The following PPIP5K2 variants were observed in gnomAD, a reference collection of about 807,000 sequenced individuals.
The protein encoded by PPIP5K2 is inositol hexakisphosphate and diphosphoinositol-pentakisphosphate kinase 2.
A neutral mutation model predicts 154.6 loss-of-function variants in PPIP5K2; 105 were observed. That is an observed-to-expected ratio of 0.68 (90% CI 0.58 to 0.80). The LOEUF is 0.80. Ranked by LOEUF, PPIP5K2 falls within the 30% of genes least tolerant of loss-of-function variation. The probability of loss-of-function intolerance (pLI) is 0.00; values close to 1 mark genes in which losing one functional copy is unlikely to be tolerated. For missense variants in PPIP5K2, 992 were observed against 1,504.6 expected (o/e 0.66, Z 5.64); for synonymous variants, 480 against 490.3 (o/e 0.98, Z 0.28).
At chr5:103,157,920 G>A (rs1444139013) in intron 14 of PPIP5K2, among the ~76,000 whole-genome samples, 2 of 152,054 alleles carry the variant, frequency 1.3e-5, no homozygotes, top group East Asian at 3.9e-4. Context: ...CATCCCTGAA[G>A]AAAATTGGGA....
At chr5:103,142,297 C>T (rs868966116) in intron 5 of PPIP5K2, among the ~76,000 whole-genome samples, 2 of 150,724 alleles carry the variant, frequency 1.3e-5, no homozygotes, top group African/African-American at 5.0e-5. Context: ...CCTCATTGTC[C>T]AGGGCCAGGC....
rs1434687813 is a variant in PPIP5K2, at chr5:103,205,866, G to T, written c.*4232G>T. The T allele has an allele frequency of 4.0e-5, 6 of 151,890 alleles. No individual in the cohort carries two copies. Among genetic ancestry groups the T allele is most frequent in the African/African-American group, 1.5e-4 (6 of 41,342 alleles). The allele number at this position is 151,890 out of a possible 1,614,324, so 9.4% of individuals were successfully genotyped here. ...TATGACCTATGCTTTATTTTGGCTT[G>T]CATTTGCCTGATATTCATCTTTTTA... On this transcript the variant is annotated 3_prime_UTR_variant, in exon 31 of 31. Transcript: ENST00000358359.
In PPIP5K2 at chr5:103,203,989, T is replaced by G. The variant is rs930414641; in HGVS notation, c.*2355T>G. On this transcript the variant is annotated 3_prime_UTR_variant, in exon 31 of 31. Transcript: ENST00000358359. ...TAACAAAAACATGTGGCAGTGTGCT[T>G]AGCATAAACATAGAGCACAAAGGCA... 1 of 152,164 alleles carries G rather than the reference T, an allele frequency of 6.6e-6. No individual in the cohort carries two copies. The highest frequency in any genetic ancestry group is 6.5e-5 in the Admixed American group (1 of 15,270). The allele number at this position is 152,164 out of a possible 1,614,324, so 9.4% of individuals were successfully genotyped here.
rs1248336900 is a variant in PPIP5K2 at position 103,154,574 on chromosome 5, G to GGA, written c.1218-96_1218-95insGA. On this transcript the variant is annotated intron_variant, in intron 11 of 30. Coordinates refer to ENST00000358359, the MANE Select transcript of PPIP5K2 (RefSeq NM_001276277.3). ...TGAAATCCTTAGATCCCAAGTTCTA[G>GGA]TCCCATAGCTTATCATTTATTATTT... 21 of 727,912 alleles carry GGA rather than the reference G, an allele frequency of 2.9e-5. No individual in the cohort carries two copies. The East Asian group carries it at 6.0e-4, about 21-fold the overall frequency. The allele number at this position is 727,912 out of a possible 1,614,324, so 45.1% of individuals were successfully genotyped here. A position where few individuals can be genotyped will look rare whatever the true frequency, so the allele number is the denominator to read the frequency against.
chr5:103,173,337 A>T lies in PPIP5K2; in HGVS notation c.2414+55A>T, dbSNP rs996523580. On this transcript the variant is annotated intron_variant, in intron 20 of 30. Transcript: ENST00000358359. ...CTAGGCATCTATTTTTGCATACTTC[A>T]AATTTAAATTATACTTTGATGGTCC... 2.6e-6 allele frequency: 4 copies of T among 1,552,246 alleles called. No homozygotes were observed. In the Admixed American group the frequency reaches 5.8e-5, roughly 22 times the overall value.
At chr5:103,146,817 T>C in intron 6 of PPIP5K2, 136 bp downstream of exon 6, 1 of 696,878 alleles carries the variant, frequency 1.4e-6, no homozygotes, top group Non-Finnish European at 2.1e-6. Context: ...TTTATGAAAC[T>C]GATATACTTT....
intron 7 of PPIP5K2, 187 bp downstream of exon 7, chr5:103,148,219 T>C (rs1794051705): frequency 1.6e-6 from 1 of 643,776 alleles, no homozygotes; most frequent in African/African-American, 1.8e-5. Context: ...TTTTTAAGAG[T>C]AGTGTTTTTA....
intron 17 of PPIP5K2, among the ~76,000 whole-genome samples, chr5:103,163,678 A>C (rs1796695377): frequency 6.6e-6 from 1 of 151,996 alleles, no homozygotes; most frequent in South Asian, 2.1e-4. Flanking sequence ...AAAATAAGGA[A>C]ATTTCATTGT....
chr5:103,135,083 A>C (rs1265920121), intron 3 of PPIP5K2, among the ~76,000 whole-genome samples: 5 of 152,168 alleles, frequency 3.3e-5, no homozygotes, highest in African/African-American at 1.2e-4. Context: ...TGAATACTAA[A>C]GTTATGTATG....
chr5:103,152,690 A>G lies in PPIP5K2; in HGVS notation c.1071A>G (p.Pro357=), dbSNP rs188460608. 2.4e-5 allele frequency: 38 copies of G among 1,597,446 alleles called. No individual in the cohort carries two copies. The highest frequency in any genetic ancestry group is 2.6e-5 in the Non-Finnish European group (30 of 1,165,404). Reference sequence around the variant, plus strand: ...AACTTGCTCCACAATTTCATATTCCATGGTCAATACCCTTAGAAGCTGAAG... The same window carrying G: ...AACTTGCTCCACAATTTCATATTCCGTGGTCAATACCCTTAGAAGCTGAAG... The part of the protein sequence containing the change: ...MRELAPQFHI[P]WSIPLEAEDI... Residue 357 remains proline, a synonymous_variant, in exon 10 of 31, where the codon CCA becomes CCG. Transcript: ENST00000358359.
intron 5 of PPIP5K2, among the ~76,000 whole-genome samples, chr5:103,140,524 A>G (rs537690626): frequency 6.6e-6 from 1 of 152,346 alleles, no homozygotes; most frequent in South Asian, 2.1e-4. Flanking sequence ...AGGAAAAACA[A>G]AACTTCCAAC....
intron 17 of PPIP5K2, among the ~76,000 whole-genome samples, chr5:103,160,505 G>A (rs1179798788): frequency 2.0e-5 from 3 of 152,172 alleles, no homozygotes; most frequent in Non-Finnish European, 4.4e-5. Flanking sequence ...TCATTGCTGT[G>A]TTTGCTGTAT....
chr5:103,121,028 A>G (rs1788599180), intron 1 of PPIP5K2, among the ~76,000 whole-genome samples: 1 of 152,046 alleles, frequency 6.6e-6, no homozygotes, highest in South Asian at 2.1e-4. Flanking sequence ...CTTGAAGAAG[A>G]AGGGGCCAGG....
chr5:103,164,513 T>C (rs1438266695), intron 17 of PPIP5K2, among the ~76,000 whole-genome samples: 1 of 152,092 alleles, frequency 6.6e-6, no homozygotes, highest in Non-Finnish European at 1.5e-5. Context: ...TATTTTCCTT[T>C]ATGCACTCTT....
At chr5:103,134,678 G>C (rs902617153) in intron 3 of PPIP5K2, among the ~76,000 whole-genome samples, 1 of 152,030 alleles carries the variant, frequency 6.6e-6, no homozygotes, top group African/African-American at 2.4e-5. Context: ...TAAAAACTGG[G>C]TGTTATAGCT....
intron 16 of PPIP5K2, 73 bp downstream of exon 16, chr5:103,158,646 G>A (rs1242823666): frequency 7.7e-7 from 1 of 1,301,714 alleles, no homozygotes; most frequent in African/African-American, 1.5e-5. Flanking sequence ...TTTTGGCTGG[G>A]CGCAGTGGCT....
intron 28 of PPIP5K2, chr5:103,189,099 T>G (rs1392890141): frequency 1.7e-5 from 22 of 1,258,824 alleles, no homozygotes; most frequent in Non-Finnish European, 1.9e-5. Context: ...TCATCTTTAG[T>G]TCAAGGAACA....
intron 14 of PPIP5K2, among the ~76,000 whole-genome samples, chr5:103,156,401 T>C (rs1235444320): frequency 6.6e-6 from 1 of 152,124 alleles, no homozygotes; most frequent in African/African-American, 2.4e-5. Flanking sequence ...CTAAAATAAA[T>C]GGGTATTTTC....
chr5:103,172,390 T>G (rs1351101940), intron 19 of PPIP5K2, among the ~76,000 whole-genome samples: 2 of 151,062 alleles, frequency 1.3e-5, no homozygotes, highest in Non-Finnish European at 3.0e-5. Flanking sequence ...TCTGGAGGTA[T>G]CTAGTAGCAG....
Sources: allele counts gnomAD v4.1 joint callset (sites outside exome capture counted in the v4.1 genomes callset), GRCh38; gene constraint gnomAD v4.1.1; transcripts MANE v1.5; gene names NCBI Gene and HGNC (gene_info 2026-07-23, HGNC 2026-07-21).